Variants in RPA1 observed in about 807,000 individuals in gnomAD.
The protein encoded by RPA1 is replication protein A 70 kDa DNA-binding subunit.
In RPA1, 49 loss-of-function variants were observed where a neutral mutation model predicts 83.0. The observed-to-expected ratio is 0.59, with a 90% CI of 0.47 to 0.75. The LOEUF is 0.75. Ranked by LOEUF, RPA1 falls within the 30% of genes least tolerant of loss-of-function variation. The pLI is 0.00. For synonymous variants in RPA1, 279 were observed against 281.8 expected (o/e 0.99, Z 0.10); for missense variants, 693 against 776.1 (o/e 0.89, Z 1.27).
intron 5 of RPA1, among the ~76,000 whole-genome samples, chr17:1,871,612 A>C (rs1396317699): frequency 6.6e-6 from 1 of 152,248 alleles, no homozygotes; most frequent in Non-Finnish European, 1.5e-5. Flanking sequence ...AGGCAAAGTC[A>C]AATTCCATAA....
intron 5 of RPA1, among the ~76,000 whole-genome samples, chr17:1,868,074 A>G (rs1913245668): frequency 6.6e-6 from 1 of 152,070 alleles, no homozygotes; most frequent in South Asian, 2.1e-4. Flanking sequence ...TTGGAGCAAT[A>G]CCCTGTCTCA....
intron 7 of RPA1, among the ~76,000 whole-genome samples, chr17:1,876,755 T>C (rs1431695277): frequency 6.6e-6 from 1 of 152,218 alleles, no homozygotes; most frequent in Non-Finnish European, 1.5e-5. Flanking sequence ...GTCATGCTGC[T>C]TCAGTGTGTT....
intron 1 of RPA1, among the ~76,000 whole-genome samples, chr17:1,837,635 G>T (rs1911875717): frequency 6.6e-6 from 1 of 152,112 alleles, no homozygotes; most frequent in Admixed American, 6.5e-5. Flanking sequence ...ATGTGTAATG[G>T]TATCTCACTG....
chr17:1,834,395 C>T (rs1036012391), intron 1 of RPA1, among the ~76,000 whole-genome samples: 2 of 152,004 alleles, frequency 1.3e-5, no homozygotes, highest in African/African-American at 2.4e-5. Flanking sequence ...CTATTTCCAG[C>T]GTAGGTGAAG....
chr17:1,838,629 T>C (rs1455060650), intron 1 of RPA1, among the ~76,000 whole-genome samples: 4 of 151,954 alleles, frequency 2.6e-5, no homozygotes, highest in African/African-American at 9.7e-5. Flanking sequence ...AAAGAAATCT[T>C]TGCCTACCCG....
chr17:1,865,689 A>G (rs1913149939), intron 5 of RPA1, among the ~76,000 whole-genome samples: 1 of 152,168 alleles, frequency 6.6e-6, no homozygotes, highest in African/African-American at 2.4e-5. Flanking sequence ...GCGTTTCTTC[A>G]TGAGAATGTA....
At chr17:1,844,936 C>G (rs1176212155) in intron 4 of RPA1, among the ~76,000 whole-genome samples, 1 of 151,912 alleles carries the variant, frequency 6.6e-6, no homozygotes, top group Non-Finnish European at 1.5e-5. Context: ...TAGGATTTCC[C>G]CCAAAAGAAT....
chr17:1,869,578 C>T (rs1175320408), intron 5 of RPA1, among the ~76,000 whole-genome samples: 1 of 151,962 alleles, frequency 6.6e-6, no homozygotes, highest in African/African-American at 2.4e-5. Flanking sequence ...TAGGTCAAAG[C>T]CAGTGATATG....
rs1914554376 is a variant in RPA1, at chr17:1,899,048, G to A, written c.*1873G>A. Reference sequence around the variant, plus strand: ...GGTACCAGGACAGGACGTGTCCAGGGAACGCTGACACCTGTCCTCGCGCCT... The same window carrying A: ...GGTACCAGGACAGGACGTGTCCAGGAAACGCTGACACCTGTCCTCGCGCCT... On this transcript the variant is annotated 3_prime_UTR_variant, in exon 17 of 17. Coordinates refer to ENST00000254719, the MANE Select transcript of RPA1 (RefSeq NM_002945.5). The A allele has an allele frequency of 6.5e-6, 1 of 152,832 alleles. No individual in the cohort carries two copies. The highest frequency in any genetic ancestry group is 1.5e-5 in the Non-Finnish European group (1 of 68,116). 9.5% of individuals were successfully genotyped at this position (152,832 alleles called of 1,614,324 possible). A position where few individuals can be genotyped will look rare whatever the true frequency, so the allele number is the denominator to read the frequency against.
rs1447399718 is a variant in RPA1 at position 1,884,257 on chromosome 17, GTTTC to G, written c.1374+318_1374+321del. 1.3e-5 allele frequency among the ~76,000 whole-genome samples: 2 copies of G among 152,152 alleles called. No homozygotes were observed. The highest frequency in any genetic ancestry group is 2.4e-5 in the African/African-American group (1 of 41,424). ...TAATATCACCTGCTTTCGGGTCCAC[GTTTC>G]TTTCCTGTGATCCTTCCTGCAAATT... On this transcript the variant is annotated intron_variant, in intron 13 of 16. Transcript: ENST00000254719. The surrounding 1 kb of genome is among the most constrained non-coding windows in gnomAD (Gnocchi z 4.1).
chr17:1,885,926 A>G (rs1913971036), intron 13 of RPA1, among the ~76,000 whole-genome samples: 1 of 152,222 alleles, frequency 6.6e-6, no homozygotes. Context: ...AAGCATGAAA[A>G]CAATATTAAT....
intron 5 of RPA1, among the ~76,000 whole-genome samples, chr17:1,868,716 G>A (rs1462687111): frequency 6.6e-6 from 1 of 152,076 alleles, no homozygotes; most frequent in East Asian, 1.9e-4. Context: ...TCCAGCTTGG[G>A]CAACACAGCG....
chr17:1,834,079 C>T (rs1164206074), intron 1 of RPA1, among the ~76,000 whole-genome samples: 1 of 152,098 alleles, frequency 6.6e-6, no homozygotes, highest in Non-Finnish European at 1.5e-5. Flanking sequence ...GCTTGAGAGC[C>T]TGAGGCAGGA....
rs199733010 is a variant in RPA1, at chr17:1,888,639, C to T, written c.1375-36C>T. On this transcript the variant is annotated intron_variant, in intron 13 of 16. Transcript: ENST00000254719. ...CTCGGTCCGATCCTGGGCGGGCTCG[C>T]GACTCCGTGCCTCATGCTGTTCTTT... 4.6e-5 allele frequency: 73 copies of T among 1,579,392 alleles called. No homozygotes were observed. The African/African-American group carries it at 5.4e-4, about 12-fold the overall frequency.
In RPA1 at chr17:1,853,911, T is replaced by G. The variant is rs188433395; in HGVS notation, c.361+722T>G. 2.0e-5 allele frequency among the ~76,000 whole-genome samples: 3 copies of G among 152,350 alleles called. No individual in the cohort carries two copies. The East Asian group carries it at 5.8e-4, about 29-fold the overall frequency. ...AGCTTTTAGAATTATCTCTATTTAC[T>G]GCTAAGCCATGAGTAAACTGTGTGA... On this transcript the variant is annotated intron_variant, in intron 5 of 16. Transcript: ENST00000254719.
chr17:1,868,813 C>T (rs1057205295), intron 5 of RPA1, among the ~76,000 whole-genome samples: 4 of 152,162 alleles, frequency 2.6e-5, no homozygotes, highest in East Asian at 1.9e-4. Flanking sequence ...AGACATAATT[C>T]GTGCTTCATA....
At chr17:1,858,471 T>TC (rs1912805461) in intron 5 of RPA1, 1 of 653,194 alleles carries the variant, frequency 1.5e-6, no homozygotes, top group East Asian at 3.6e-5. Flanking sequence ...TCTCTTTTTC[T>TC]TTTTTTTTTT....
At chr17:1,877,405 A>G (rs1476907879) in intron 8 of RPA1, 91 bp downstream of exon 8, 3 of 1,120,510 alleles carry the variant, frequency 2.7e-6, no homozygotes, top group East Asian at 2.5e-5. Context: ...CTCGCTGGGA[A>G]ACAGAAGGCT....
At chr17:1,833,631 G>C (rs747359842) in intron 1 of RPA1, among the ~76,000 whole-genome samples, 4 of 151,976 alleles carry the variant, frequency 2.6e-5, no homozygotes, top group Non-Finnish European at 5.9e-5. Flanking sequence ...AAGGCAGGCA[G>C]ATCACCTGAG....
Sources: gnomAD v4.1 joint callset for allele counts (sites outside exome capture counted in the v4.1 genomes callset) on GRCh38, gnomAD v4.1.1 for gene constraint, Gnocchi (gnomAD v3.1) non-coding constraint, MANE v1.5 for transcripts, NCBI Gene and HGNC (gene_info 2026-07-23, HGNC 2026-07-21) for gene names.